ZNF536: variants seen among roughly 807,000 people sequenced by gnomAD.
The protein encoded by ZNF536 is zinc finger protein 536.
In ZNF536, 13 loss-of-function variants were observed where a neutral mutation model predicts 84.5. That is an observed-to-expected ratio of 0.15 (90% CI 0.10 to 0.24). ZNF536 has a LOEUF of 0.24. Among genes scored for constraint, ZNF536 ranks in the 10% least tolerant of loss-of-function variants. The probability of loss-of-function intolerance (pLI) is 1.00; values close to 1 mark genes in which losing one functional copy is unlikely to be tolerated. For synonymous variants in ZNF536, 811 were observed against 742.5 expected, an observed-to-expected ratio of 1.09 and a Z score of -1.50; for missense variants, 1,536 against 1,747.5, an observed-to-expected ratio of 0.88 and a Z score of 2.16.
intron 2 of ZNF536, among the ~76,000 whole-genome samples, chr19:30,447,799 T>C (rs1286215509): frequency 3.9e-5 from 6 of 152,170 alleles, no homozygotes. Flanking sequence ...AGCAAACTGG[T>C]TCCCCTAAGT....
intron 1 of ZNF536, among the ~76,000 whole-genome samples, chr19:30,574,307 A>G (rs116116394): frequency 0.018 from 2,795 of 152,304 alleles, 73 homozygotes; most frequent in South Asian, 0.07. Context: ...AGCATGAAAG[A>G]CTGGGGGAAG....
chr19:30,491,655 G>A (rs1291280958), intron 2 of ZNF536, among the ~76,000 whole-genome samples: 1 of 152,142 alleles, frequency 6.6e-6, no homozygotes, highest in Non-Finnish European at 1.5e-5. Flanking sequence ...ATAGCATGGA[G>A]ACCTGTGCAC....
At chr19:30,436,113 C>T (rs1449720592) in intron 1 of ZNF536, among the ~76,000 whole-genome samples, 2 of 152,294 alleles carry the variant, frequency 1.3e-5, no homozygotes, top group South Asian at 2.1e-4. Flanking sequence ...AAATCCTGCT[C>T]ACTACTCAAG....
intron 2 of ZNF536, among the ~76,000 whole-genome samples, chr19:30,465,441 T>C (rs2053342384): frequency 6.6e-6 from 1 of 152,216 alleles, no homozygotes; most frequent in Non-Finnish European, 1.5e-5. Context: ...TCTTCTTCAC[T>C]CATTCATTCA....
intron 1 of ZNF536, among the ~76,000 whole-genome samples, chr19:30,279,116 C>T (rs928730784): frequency 3.3e-5 from 5 of 152,226 alleles, no homozygotes; most frequent in Non-Finnish European, 7.3e-5. Context: ...AGGGCTCACT[C>T]CCTTACTTTA....
In ZNF536 at chr19:30,549,589, G is replaced by C. The variant is rs371449794; in HGVS notation, c.3895+75G>C. 9.3e-5 allele frequency: 130 copies of C among 1,404,568 alleles called. No homozygotes were observed. In the African/African-American group the frequency reaches 1.7e-3, roughly 19 times the overall value. 87.0% of individuals were successfully genotyped at this position (1,404,568 alleles called of 1,614,324 possible). Reference sequence around the variant, plus strand: ...CTGAATTGTGCATTTAAAAAAATGAGGTAGACTTATCCATGAGCAACTTTT... The same window carrying C: ...CTGAATTGTGCATTTAAAAAAATGACGTAGACTTATCCATGAGCAACTTTT... On this transcript the variant is annotated intron_variant, in intron 4 of 4. Transcript: ENST00000355537.
At chr19:30,705,253 T>C (rs541586902) in intron 1 of ZNF536, among the ~76,000 whole-genome samples, 16 of 152,300 alleles carry the variant, frequency 1.1e-4, no homozygotes, top group African/African-American at 3.8e-4. Flanking sequence ...CACTTCTTCA[T>C]AGAACTTTCT....
chr19:30,466,755 GGGAAGGAA>G (rs1300813936), intron 2 of ZNF536, among the ~76,000 whole-genome samples: 831 of 62,554 alleles, frequency 0.013, 14 homozygotes, highest in East Asian at 0.067. Flanking sequence ...GAAGAAAGGA[GGGAAGGAA>G]GGAAGGAAGG....
At chr19:30,341,755 C>G (rs541958831) in intron 2 of ZNF536, among the ~76,000 whole-genome samples, 10 of 152,034 alleles carry the variant, frequency 6.6e-5, no homozygotes, top group South Asian at 4.2e-4. Context: ...AACAATAACT[C>G]CTTTTAACTT....
chr19:30,616,665 A>G (rs2048305837), intron 1 of ZNF536, among the ~76,000 whole-genome samples: 2 of 152,202 alleles, frequency 1.3e-5, no homozygotes, highest in African/African-American at 4.8e-5. Context: ...ATCACCTTCA[A>G]AAAAAGAATT....
intron 3 of ZNF536, among the ~76,000 whole-genome samples, chr19:30,537,925 A>G (rs1286096391): frequency 6.6e-6 from 1 of 152,218 alleles, no homozygotes; most frequent in Non-Finnish European, 1.5e-5. Flanking sequence ...CCAGATAAAG[A>G]TCAATTACCT....
intron 2 of ZNF536, among the ~76,000 whole-genome samples, chr19:30,324,504 T>A (rs138835497): frequency 6.6e-6 from 1 of 152,234 alleles, no homozygotes; most frequent in African/African-American, 2.4e-5. Context: ...CACTTCAGCT[T>A]CCCCAGTAGC....
In ZNF536 at chr19:30,239,659, C is replaced by T. The variant is rs142269258; in HGVS notation, c.-190+10986C>T. ...TTTGCTTCTTAAAATGCAATTAAGT[C>T]AAAGGCCTGGGAATTAGAGCAGAAG... On this transcript the variant is annotated intron_variant, in intron 1 of 5. Transcript: ENST00000585628. Among the ~76,000 whole-genome samples the T allele has an allele frequency of 1.2e-4, 18 of 152,306 alleles. No homozygotes were observed. In the East Asian group the frequency reaches 3.3e-3, roughly 28 times the overall value.
chr19:30,330,374 G>T (rs2047171712), intron 2 of ZNF536, among the ~76,000 whole-genome samples: 1 of 152,170 alleles, frequency 6.6e-6, no homozygotes, highest in Non-Finnish European at 1.5e-5. Context: ...TGTGTCACTG[G>T]CATTTTAGGG....
At chr19:30,679,239 G>A (rs574701775) in intron 1 of ZNF536, among the ~76,000 whole-genome samples, 7 of 152,290 alleles carry the variant, frequency 4.6e-5, no homozygotes, top group Admixed American at 1.3e-4. Flanking sequence ...CCATCTGTGC[G>A]GTGGATTATC....
chr19:30,401,778 T>C (rs1372901612), intron 1 of ZNF536, among the ~76,000 whole-genome samples: 1 of 152,178 alleles, frequency 6.6e-6, no homozygotes, highest in Non-Finnish European at 1.5e-5. Context: ...TTTCTTCTTC[T>C]TCAACAACAG....
At chr19:30,436,814 T>C (rs1008964680) in intron 1 of ZNF536, among the ~76,000 whole-genome samples, 1 of 152,180 alleles carries the variant, frequency 6.6e-6, no homozygotes, top group Admixed American at 6.5e-5. Flanking sequence ...GGTCTGCCTG[T>C]TACTAGAAGT....
intron 3 of ZNF536, among the ~76,000 whole-genome samples, chr19:30,539,010 C>G (rs990959774): frequency 2.0e-5 from 3 of 151,194 alleles, no homozygotes; most frequent in Admixed American, 6.6e-5. Context: ...GAGTTCAAGA[C>G]CAGCCTGGGC....
At chr19:30,525,754 A>G (rs1171051878) in intron 2 of ZNF536, among the ~76,000 whole-genome samples, 1 of 152,190 alleles carries the variant, frequency 6.6e-6, no homozygotes, top group Non-Finnish European at 1.5e-5. Context: ...GAGGGGAAGC[A>G]GGACCAAAGC....
Sources: allele counts gnomAD v4.1 joint callset (sites outside exome capture counted in the v4.1 genomes callset), GRCh38; gene constraint gnomAD v4.1.1; transcripts MANE v1.5; gene names NCBI Gene and HGNC (gene_info 2026-07-23, HGNC 2026-07-21).